TANGO6: variants seen among roughly 807,000 people sequenced by gnomAD.
The protein encoded by TANGO6 is transport and golgi organization 6 homolog, also known as transport and Golgi organization protein 6 homolog.
A neutral mutation model predicts 114.2 loss-of-function variants in TANGO6; 90 were observed. That is an observed-to-expected ratio of 0.79 (90% CI 0.66 to 0.94). The LOEUF is 0.94. Among genes scored for constraint, TANGO6 ranks in the 40% least tolerant of loss-of-function variants. TANGO6 has a pLI of 0.00. For synonymous variants in TANGO6, 477 were observed against 509.8 expected, an observed-to-expected ratio of 0.94 and a Z score of 0.87; for missense variants, 1,274 against 1,315.3, an observed-to-expected ratio of 0.97 and a Z score of 0.49.
chr16:69,069,137 C>T (rs979819229), intron 17 of TANGO6, among the ~76,000 whole-genome samples: 7 of 152,156 alleles, frequency 4.6e-5, no homozygotes, highest in Admixed American at 2.0e-4. Flanking sequence ...TCAAGATTCC[C>T]TAGCTAATAA....
At chr16:68,962,261 C>A (rs1025749100) in intron 14 of TANGO6, among the ~76,000 whole-genome samples, 9 of 152,128 alleles carry the variant, frequency 5.9e-5, no homozygotes, top group Non-Finnish European at 1.3e-4. Context: ...CTGAAGTATC[C>A]TGCTAAAGGG....
chr16:68,923,313 T>C (rs1252495308), intron 12 of TANGO6, among the ~76,000 whole-genome samples: 1 of 152,070 alleles, frequency 6.6e-6, no homozygotes, highest in East Asian at 1.9e-4. Context: ...GGCAGAAAGG[T>C]TACCAGGAGC....
At chr16:69,043,022 C>T (rs1308702454) in intron 17 of TANGO6, among the ~76,000 whole-genome samples, 3 of 151,960 alleles carry the variant, frequency 2.0e-5, no homozygotes, top group Non-Finnish European at 4.4e-5. Flanking sequence ...CCCAAGAGTT[C>T]GAGAGAAGCC....
chr16:68,949,215 A>G (rs1963446411), intron 14 of TANGO6, among the ~76,000 whole-genome samples: 1 of 152,164 alleles, frequency 6.6e-6, no homozygotes, highest in Non-Finnish European at 1.5e-5. Context: ...AAAGAAGTCA[A>G]TCCTGGGATT....
intron 12 of TANGO6, chr16:68,926,875 T>C (rs1426792784): frequency 6.6e-6 from 1 of 152,356 alleles, no homozygotes; most frequent in Non-Finnish European, 1.5e-5. Context: ...CATACACCTT[T>C]TGGGTGGCAG....
chr16:69,046,401 C>T lies in TANGO6; in HGVS notation c.3108+5980C>T, dbSNP rs1020018067. ...GTGGCACGATCTCGGCTCACTGCAA[C>T]GTCTGCCTACCTATTCAAGCGATTC... is the stretch of plus-strand genomic sequence containing the variant. On this transcript the variant is annotated intron_variant, in intron 17 of 17. Coordinates refer to ENST00000261778, the MANE Select transcript of TANGO6 (RefSeq NM_024562.2). Among the ~76,000 whole-genome samples, 13 of 151,652 alleles carry T rather than the reference C, an allele frequency of 8.6e-5. 1 individual carries two copies. Among genetic ancestry groups the T allele is most frequent in the Admixed American group, 2.6e-4 (4 of 15,186 alleles).
intron 9 of TANGO6, among the ~76,000 whole-genome samples, chr16:68,906,609 G>A (rs1420797277): frequency 1.3e-5 from 2 of 149,462 alleles, no homozygotes; most frequent in African/African-American, 4.9e-5. Context: ...TTGCCATGTT[G>A]TCTATGTTAC....
intron 15 of TANGO6, among the ~76,000 whole-genome samples, chr16:68,995,262 T>A (rs1199252030): frequency 6.6e-6 from 1 of 152,208 alleles, no homozygotes; most frequent in Admixed American, 6.5e-5. Context: ...CTTGGTTATA[T>A]TACCTTACAG....
intron 5 of TANGO6, among the ~76,000 whole-genome samples, chr16:68,875,811 T>G (rs1962347041): frequency 6.6e-6 from 1 of 152,126 alleles, no homozygotes; most frequent in African/African-American, 2.4e-5. Context: ...CTAAATGATT[T>G]GCCCAGCTTG....
At chr16:68,879,645 CT>C in intron 6 of TANGO6, among the ~76,000 whole-genome samples, 1 of 145,898 alleles carries the variant, frequency 6.9e-6, no homozygotes, top group East Asian at 2.0e-4. Context: ...TAGACAGAGT[CT>C]CACTCTGTCA....
intron 15 of TANGO6, among the ~76,000 whole-genome samples, chr16:68,993,686 A>G (rs1963965532): frequency 6.6e-6 from 1 of 152,248 alleles, no homozygotes; most frequent in African/African-American, 2.4e-5. Context: ...ACTCTTGGTC[A>G]TGCTTTAATG....
At chr16:69,021,648 C>T (rs1399121251) in intron 15 of TANGO6, among the ~76,000 whole-genome samples, 1 of 152,052 alleles carries the variant, frequency 6.6e-6, no homozygotes, top group Non-Finnish European at 1.5e-5. Context: ...TCATAGTTCT[C>T]TTTCTCCAGG....
At chr16:68,878,574 A>T (rs1181490163) in intron 6 of TANGO6, among the ~76,000 whole-genome samples, 1 of 152,142 alleles carries the variant, frequency 6.6e-6, no homozygotes, top group South Asian at 2.1e-4. Context: ...AGTTGCAGAC[A>T]TCACAACACT....
intron 16 of TANGO6, among the ~76,000 whole-genome samples, chr16:69,024,229 C>T (rs147428948): frequency 1.5e-3 from 220 of 151,036 alleles, no homozygotes; most frequent in African/African-American, 4.6e-3. Flanking sequence ...ATGAAATGTG[C>T]GTCTTGCCCC....
chr16:68,875,797 A>G (rs979680019), intron 5 of TANGO6, among the ~76,000 whole-genome samples: 3 of 151,578 alleles, frequency 2.0e-5, no homozygotes, highest in African/African-American at 4.8e-5. Flanking sequence ...ATGCCTCACC[A>G]CTACTAAATG....
chr16:68,932,292 T>C (rs988971351), intron 14 of TANGO6, among the ~76,000 whole-genome samples: 17 of 152,022 alleles, frequency 1.1e-4, no homozygotes, highest in Middle Eastern at 3.2e-3. Context: ...GGTTTCTCCA[T>C]GTTGGTCAGG....
chr16:69,071,088 G>C (rs548580659), intron 17 of TANGO6, among the ~76,000 whole-genome samples: 2 of 152,230 alleles, frequency 1.3e-5, no homozygotes, highest in East Asian at 3.9e-4. Context: ...CTTTGTTAAA[G>C]CAAAATTTAG....
At chr16:68,891,786 G>A (rs1962624713) in intron 7 of TANGO6, among the ~76,000 whole-genome samples, 1 of 144,758 alleles carries the variant, frequency 6.9e-6, no homozygotes, top group African/African-American at 2.5e-5. Context: ...CTTAAGGAAG[G>A]AAGGAAGAAA....
chr16:68,932,772 AGAGT>A (rs1364022027), intron 14 of TANGO6, among the ~76,000 whole-genome samples: 3 of 152,240 alleles, frequency 2.0e-5, no homozygotes, highest in African/African-American at 7.2e-5. Context: ...CTTGGGCAAC[AGAGT>A]GAGACTCCGT....
Sources: gnomAD v4.1 joint callset for allele counts (sites outside exome capture counted in the v4.1 genomes callset) on GRCh38, gnomAD v4.1.1 for gene constraint, MANE v1.5 for transcripts, NCBI Gene and HGNC (gene_info 2026-07-23, HGNC 2026-07-21) for gene names.